Variants in SLC25A26 observed in about 807,000 individuals in gnomAD.
SLC25A26 encodes the protein mitochondrial S-adenosylmethionine carrier protein.
SLC25A26 carries 36 observed loss-of-function variants against 37.8 expected under a neutral mutation model. The ratio of observed to expected loss-of-function variants is 0.95; its 90% confidence interval spans 0.73 to 1.26. SLC25A26 has a LOEUF of 1.26. Among genes scored for constraint, SLC25A26 ranks in the 50% most tolerant of loss-of-function variants. SLC25A26 has a pLI of 0.00. For missense variants in SLC25A26, 390 were observed against 331.1 expected (o/e 1.18, Z -1.38); for synonymous variants, 129 against 122.5 (o/e 1.05, Z -0.35).
intron 6 of SLC25A26, among the ~76,000 whole-genome samples, chr3:66,353,575 T>TA (rs1233231446): frequency 2.0e-5 from 3 of 152,228 alleles, no homozygotes; most frequent in African/African-American, 7.2e-5. Context: ...CAAAAGTTGA[T>TA]AAAAAGTTGA....
At position 66,378,304 on chromosome 3, in the gene SLC25A26, T is replaced by C. The variant is rs1700800158; in HGVS notation, c.*497T>C. On this transcript the variant is annotated 3_prime_UTR_variant, in exon 10 of 10. Coordinates refer to ENST00000354883, the MANE Select transcript of SLC25A26 (RefSeq NM_001379210.1). ...GGCTTTGTTGAAAAAGAAAGAAAGA[T>C]TGAACTACAGGTGCATAGCAAGCAC... 6.5e-6 allele frequency: 1 copy of C among 153,014 alleles called. No individual in the cohort carries two copies. The highest frequency in any genetic ancestry group is 1.5e-5 in the Non-Finnish European group (1 of 68,332). The allele number at this position is 153,014 out of a possible 1,614,324, so 9.5% of individuals were successfully genotyped here.
At chr3:66,201,348 T>C (rs1237703270) in intron 1 of SLC25A26, among the ~76,000 whole-genome samples, 3 of 151,736 alleles carry the variant, frequency 2.0e-5, no homozygotes, top group African/African-American at 7.3e-5. Context: ...GTATATATAA[T>C]TTTTTTTAAA....
intron 3 of SLC25A26, among the ~76,000 whole-genome samples, chr3:66,255,538 T>C (rs2073265830): frequency 6.6e-6 from 1 of 152,206 alleles, no homozygotes; most frequent in Non-Finnish European, 1.5e-5. Flanking sequence ...AGTTCTTGTT[T>C]TTAGATAGAA....
intron 3 of SLC25A26, 95 bp from the exon 4 acceptor site, chr3:66,261,956 A>G (rs1434774639): frequency 4.2e-6 from 3 of 706,380 alleles, no homozygotes; most frequent in Non-Finnish European, 2.5e-6. Context: ...AAGCCTACAT[A>G]TTATACCTTT....
At chr3:66,231,182 A>G (rs1232860365) in intron 1 of SLC25A26, among the ~76,000 whole-genome samples, 1 of 152,172 alleles carries the variant, frequency 6.6e-6, no homozygotes, top group Non-Finnish European at 1.5e-5. Context: ...CTCAAAAAAT[A>G]AATTGTTTCA....
chr3:66,321,885 A>C lies in SLC25A26; in HGVS notation c.454-24479A>C, dbSNP rs750876103. ...AGACTGGGTAATTTATAATGAACAG[A>C]AATTACCTGTTCATTATCCTGGAGG... On this transcript the variant is annotated intron_variant, in intron 5 of 9. Transcript: ENST00000354883. 5.3e-5 allele frequency among the ~76,000 whole-genome samples: 8 copies of C among 152,054 alleles called. 1 individual carries two copies. The highest frequency in any genetic ancestry group is 1.0e-4 in the Non-Finnish European group (7 of 68,020).
chr3:66,371,647 G>T (rs1263824787), intron 9 of SLC25A26, among the ~76,000 whole-genome samples: 1 of 152,156 alleles, frequency 6.6e-6, no homozygotes, highest in African/African-American at 2.4e-5. Context: ...AGGGCCTAGT[G>T]GGGGGCATGT....
At chr3:66,367,092 G>A (rs9816302) in intron 7 of SLC25A26, among the ~76,000 whole-genome samples, 6,675 of 152,224 alleles carry the variant, frequency 0.044, 501 homozygotes, top group African/African-American at 0.15. Context: ...GCGTTTTCGA[G>A]TGCCTGCTGT....
intron 5 of SLC25A26, chr3:66,293,079 G>A (rs916883532): frequency 1.3e-5 from 2 of 151,292 alleles, no homozygotes; most frequent in African/African-American, 2.4e-5. Context: ...TGATCTATTT[G>A]GCTATTAATA....
upstream of SLC25A26, among the ~76,000 whole-genome samples, chr3:66,216,781 ATG>A (rs1411271796): frequency 5.2e-4 from 4 of 7,632 alleles, no homozygotes; most frequent in Non-Finnish European, 4.2e-3. Flanking sequence ...ATAATATCAC[ATG>A]TGTAATGCAA....
intron 5 of SLC25A26, among the ~76,000 whole-genome samples, chr3:66,316,154 A>G (rs925192545): frequency 6.6e-6 from 1 of 152,180 alleles, no homozygotes; most frequent in Non-Finnish European, 1.5e-5. Context: ...TGATTGTTTC[A>G]TCATGATGCT....
intron 3 of SLC25A26, among the ~76,000 whole-genome samples, chr3:66,247,150 C>T (rs2107152665): frequency 6.6e-6 from 1 of 152,192 alleles, no homozygotes; most frequent in Middle Eastern, 3.4e-3. Context: ...AGGTGTCAGC[C>T]ACCGCGCCAG....
At position 66,229,958 on chromosome 3, in the gene SLC25A26, G is replaced by C. The variant is rs2106948004; in HGVS notation, c.34-6586G>C. On this transcript the variant is annotated intron_variant, in intron 1 of 9. Coordinates refer to ENST00000354883, the MANE Select transcript of SLC25A26 (RefSeq NM_001379210.1). ...GTCCCCCTGAGTATTCCACAAAGTGGTCATGGTGGCTGAGGAATGCTGCGA... is the reference window on the plus strand; with the variant it reads ...GTCCCCCTGAGTATTCCACAAAGTGCTCATGGTGGCTGAGGAATGCTGCGA... 1.3e-5 allele frequency among the ~76,000 whole-genome samples: 2 copies of C among 152,308 alleles called. 1 individual carries two copies. The highest frequency in any genetic ancestry group is 4.1e-4 in the South Asian group (2 of 4,828).
chr3:66,339,156 G>C (rs527903819), intron 5 of SLC25A26, among the ~76,000 whole-genome samples: 52 of 152,002 alleles, frequency 3.4e-4, no homozygotes, highest in African/African-American at 1.2e-3. Flanking sequence ...TTTTATCAGT[G>C]GATTTTATTC....
intron 1 of SLC25A26, among the ~76,000 whole-genome samples, chr3:66,143,168 A>T (rs1418890924): frequency 6.6e-6 from 1 of 152,208 alleles, no homozygotes; most frequent in Non-Finnish European, 1.5e-5. Flanking sequence ...GAATAATAAA[A>T]AAAAAAAAAT....
chr3:66,259,005 C>T (rs2073416231), intron 3 of SLC25A26, among the ~76,000 whole-genome samples: 1 of 152,170 alleles, frequency 6.6e-6, no homozygotes, highest in South Asian at 2.1e-4. Flanking sequence ...TATTTGCCAG[C>T]ATAGCTCTAG....
At chr3:66,323,619 C>T (rs955974695) in intron 5 of SLC25A26, among the ~76,000 whole-genome samples, 1 of 152,030 alleles carries the variant, frequency 6.6e-6, no homozygotes, top group African/African-American at 2.4e-5. Context: ...CCAGCTTGGG[C>T]AATGTGGTGA....
At chr3:66,213,520 C>T (rs980055916) in intron 1 of SLC25A26, among the ~76,000 whole-genome samples, 24 of 148,086 alleles carry the variant, frequency 1.6e-4, no homozygotes, top group African/African-American at 3.0e-4. Flanking sequence ...GCAGAAAGTA[C>T]GGAGATTTCT....
intron 7 of SLC25A26, among the ~76,000 whole-genome samples, chr3:66,368,035 C>G (rs2076863692): frequency 6.6e-6 from 1 of 152,110 alleles, no homozygotes; most frequent in African/African-American, 2.4e-5. Flanking sequence ...TAAATAGGTA[C>G]ACCTTTCAAA....
Sources: allele counts gnomAD v4.1 joint callset (sites outside exome capture counted in the v4.1 genomes callset), GRCh38; gene constraint gnomAD v4.1.1; transcripts MANE v1.5; gene names NCBI Gene and HGNC (gene_info 2026-07-23, HGNC 2026-07-21).